The following LHX1 variants were observed in gnomAD, a reference collection of about 807,000 sequenced individuals.
LHX1 encodes the protein LIM homeobox 1.
A neutral mutation model predicts 34.1 loss-of-function variants in LHX1; 9 were observed. The observed-to-expected ratio is 0.26, with a 90% CI of 0.16 to 0.46. LHX1 has a LOEUF of 0.46. Ranked by LOEUF, LHX1 falls within the 20% of genes least tolerant of loss-of-function variation. The pLI, the probability that LHX1 is intolerant of heterozygous loss-of-function variation, is 1.00. For synonymous variants in LHX1, 254 were observed against 241.5 expected (o/e 1.05, Z -0.48); for missense variants, 446 against 559.1 (o/e 0.80, Z 2.04).
chr17:36,937,561 C>T lies in LHX1; in HGVS notation c.-637C>T. On this transcript the variant is annotated 5_prime_UTR_variant, in exon 1 of 5. Transcript: ENST00000614239. ...CCCCAGGCCCAGCGCGGGCGCTCGG[C>T]GCGTCCAGACCCGCGGCGCGATGCC... The T allele has an allele frequency of 3.2e-6, 1 of 313,964 alleles. No individual in the cohort carries two copies. The highest frequency in any genetic ancestry group is 6.2e-6 in the Non-Finnish European group (1 of 160,502). The allele number at this position is 313,964 out of a possible 1,614,324, so 19.4% of individuals were successfully genotyped here.
chr17:36,939,670 G>T (rs71380121), intron 1 of LHX1, among the ~76,000 whole-genome samples: 1,910 of 151,754 alleles, frequency 0.013, 31 homozygotes, highest in African/African-American at 0.043. Flanking sequence ...GCCAGCTCCC[G>T]CAGCTCCCGC....
Position 36,942,966 on chromosome 17 carries a change from G to A in LHX1, c.1056G>A (p.Gly352=), listed in dbSNP as rs777444107. 66 of 1,610,670 alleles carry A rather than the reference G, an allele frequency of 4.1e-5. 1 individual carries two copies. The highest frequency in any genetic ancestry group is 1.1e-5 in the South Asian group (1 of 90,758). Residue 352 remains glycine, a synonymous_variant, in exon 5 of 5, where the codon GGG becomes GGA. Transcript: ENST00000614239. ...RFTDILAHPP[G]DSPSPEPSLP... ...CCGACATCCTGGCGCACCCACCCGG[G>A]GACTCGCCCAGCCCCGAGCCCAGCC...
chr17:36,939,852 G>T (rs1239204921), intron 1 of LHX1, among the ~76,000 whole-genome samples: 1 of 152,284 alleles, frequency 6.6e-6, no homozygotes. Flanking sequence ...GGCGCTCCGC[G>T]CACGTTTATA....
rs1316088858 is a variant in LHX1 at position 36,938,335 on chromosome 17, A to C, written c.138A>C (p.Glu46Asp). 2 of 1,614,202 alleles carry C rather than the reference A, an allele frequency of 1.2e-6. No individual in the cohort carries two copies. Among genetic ancestry groups the C allele is most frequent in the Non-Finnish European group, 1.7e-6 (2 of 1,180,016 alleles). ...TGACCGAGAAGTGCTTCTCCAGGGAAGGCAAACTCTACTGCAAGAACGACT... is the reference window on the plus strand; with the variant it reads ...TGACCGAGAAGTGCTTCTCCAGGGACGGCAAACTCTACTGCAAGAACGACT... ...CNLTEKCFSR[E>D]GKLYCKNDFF... The change falls in exon 1 of 5, where the codon GAA (glutamate) becomes GAC (aspartate). Residue 46 changes from glutamate (E) to aspartate (D), a missense_variant. Transcript: ENST00000614239.
chr17:36,938,524 C>A, intron 1 of LHX1, 157 bp downstream of exon 1: 2 of 752,450 alleles, frequency 2.7e-6, no homozygotes, highest in African/African-American at 1.7e-5. Context: ...CGCCAGCTGG[C>A]GCGCTGGGAG....
At chr17:36,942,470 G>C in intron 4 of LHX1, 105 bp downstream of exon 4, 1 of 1,213,290 alleles carries the variant, frequency 8.2e-7, no homozygotes, top group Non-Finnish European at 1.2e-6. Flanking sequence ...AGCCACTGGA[G>C]AGTTGGGGCG....
At position 36,937,850 on chromosome 17, in the gene LHX1, G is replaced by A. The variant is rs1352764434; in HGVS notation, c.-348G>A. Reference sequence around the variant, plus strand: ...TTTATTTATTTCCGTTCCCGCCGCCGTTCTCGCTGACCTTCACTCCTCCGC... The same window carrying A: ...TTTATTTATTTCCGTTCCCGCCGCCATTCTCGCTGACCTTCACTCCTCCGC... On this transcript the variant is annotated 5_prime_UTR_variant, in exon 1 of 5. Transcript: ENST00000614239. 5 of 577,128 alleles carry A rather than the reference G, an allele frequency of 8.7e-6. No homozygotes were observed. In the East Asian group the frequency reaches 1.2e-4, roughly 14 times the overall value. 35.8% of individuals were successfully genotyped at this position (577,128 alleles called of 1,614,324 possible). A position where few individuals can be genotyped will look rare whatever the true frequency, so the allele number is the denominator to read the frequency against.
intron 3 of LHX1, 90 bp downstream of exon 3, chr17:36,940,977 G>T: frequency 6.5e-7 from 1 of 1,528,918 alleles, no homozygotes; most frequent in South Asian, 1.2e-5. Context: ...AGAATCCAGA[G>T]AGAAGTGAGA....
intron 1 of LHX1, among the ~76,000 whole-genome samples, chr17:36,939,761 G>A (rs1490720191): frequency 1.3e-5 from 2 of 152,262 alleles, no homozygotes; most frequent in African/African-American, 2.4e-5. Flanking sequence ...CCGCGGCTAT[G>A]TTTGTTTACC....
Position 36,940,661 on chromosome 17 carries a change from A to G in LHX1, c.449A>G (p.Gln150Arg). Residue 150 changes from glutamine to arginine, a missense_variant, in exon 3 of 5, where the codon CAG becomes CGG. Transcript: ENST00000614239. ...TCTCCGGATTCCCAAGACCCGTCGC[A>G]GGACGACGCCAAGGACTCGGAGAGC... Reference protein sequence around the residue: ...SLSPDSQDPSQDDAKDSESAN... With the variant: ...SLSPDSQDPSRDDAKDSESAN... 6.2e-7 allele frequency: 1 copy of G among 1,613,886 alleles called. No homozygotes were observed. The highest frequency in any genetic ancestry group is 8.5e-7 in the Non-Finnish European group (1 of 1,180,036).
intron 4 of LHX1, 97 bp downstream of exon 4, chr17:36,942,462 C>T: frequency 1.5e-6 from 2 of 1,322,640 alleles, no homozygotes; most frequent in South Asian, 2.7e-5. Context: ...TCTCTGTAAG[C>T]CACTGGAGAG....
chr17:36,937,635 C>A lies in LHX1; in HGVS notation c.-563C>A. 2 of 339,512 alleles carry A rather than the reference C, an allele frequency of 5.9e-6. No homozygotes were observed. Among genetic ancestry groups the A allele is most frequent in the South Asian group, 4.3e-5 (2 of 46,254 alleles). The allele number at this position is 339,512 out of a possible 1,614,324, so 21.0% of individuals were successfully genotyped here. A position where few individuals can be genotyped will look rare whatever the true frequency, so the allele number is the denominator to read the frequency against. Reference sequence around the variant, plus strand: ...TCTGCTCCTTTTGTTCTTTCCTTCCCTTTTTTAAAAAAAGAGGGGGGAAAT... The same window carrying A: ...TCTGCTCCTTTTGTTCTTTCCTTCCATTTTTTAAAAAAAGAGGGGGGAAAT... On this transcript the variant is annotated 5_prime_UTR_variant, in exon 1 of 5. Transcript: ENST00000614239.
At chr17:36,938,410 G>A in intron 1 of LHX1, 43 bp downstream of exon 1, 3 of 1,588,870 alleles carry the variant, frequency 1.9e-6, no homozygotes, top group Non-Finnish European at 1.7e-6. Flanking sequence ...CCTCCCCGCG[G>A]GCCCTTCCCG....
rs2070736759 is a variant in LHX1, at chr17:36,937,745, C to T, written c.-453C>T. The stretch of plus-strand genomic sequence containing the variant: ...GCACTTTGACTTCTGACAGCTCTAC[C>T]TCAAGCCCCGGAGAACTCAGCGGCG... On this transcript the variant is annotated 5_prime_UTR_variant, in exon 1 of 5. Transcript: ENST00000614239. 2.2e-6 allele frequency: 1 copy of T among 463,830 alleles called. No individual in the cohort carries two copies. Among genetic ancestry groups the T allele is most frequent in the Non-Finnish European group, 4.3e-6 (1 of 232,906 alleles). The allele number at this position is 463,830 out of a possible 1,614,324, so 28.7% of individuals were successfully genotyped here.
intron 1 of LHX1, among the ~76,000 whole-genome samples, chr17:36,939,792 C>T (rs1474129018): frequency 6.6e-6 from 1 of 152,056 alleles, no homozygotes; most frequent in East Asian, 1.9e-4. Context: ...CTAGACATCG[C>T]CAACCCCATG....
At chr17:36,940,258 C>CGGGGGGGGGGGGG in intron 1 of LHX1, 32 bp from the exon 2 acceptor site, 14 of 528,870 alleles carry the variant, frequency 2.6e-5, no homozygotes, top group Non-Finnish European at 3.7e-5. Flanking sequence ...GACCCATCCC[C>CGGGGGGGGGGGGG]GCCCCCGCCC....
chr17:36,943,152 G>T lies in LHX1; in HGVS notation c.*21G>T, dbSNP rs1010693543. 6.2e-7 allele frequency: 1 copy of T among 1,611,234 alleles called. No homozygotes were observed. Among genetic ancestry groups the T allele is most frequent in the East Asian group, 2.2e-5 (1 of 44,800 alleles). The stretch of plus-strand genomic sequence containing the variant: ...GGTAGCGGGGTCTCGCACGGTCTGC[G>T]GAGTTCGTGGTTGTACAGAAATGAA... On this transcript the variant is annotated 3_prime_UTR_variant, in exon 5 of 5. Coordinates refer to ENST00000614239, the MANE Select transcript of LHX1 (RefSeq NM_005568.5).
intron 3 of LHX1, 114 bp downstream of exon 3, chr17:36,941,001 G>T (rs1445170719): frequency 2.7e-6 from 4 of 1,487,394 alleles, no homozygotes; most frequent in African/African-American, 2.8e-5. Context: ...GGAGTCCAGA[G>T]GTGGGGTGCC....
At chr17:36,936,894 C>T, upstream of LHX1, 1 of 132,966 alleles carries the variant, frequency 7.5e-6, no homozygotes, top group Non-Finnish European at 1.6e-5. Flanking sequence ...GGGCCAGCAA[C>T]GAGCCGCGGC....
Sources: allele counts gnomAD v4.1 joint callset (sites outside exome capture counted in the v4.1 genomes callset), GRCh38; gene constraint gnomAD v4.1.1; transcripts MANE v1.5; gene names NCBI Gene and HGNC (gene_info 2026-07-23, HGNC 2026-07-21).